The following RNF213 variants were observed in gnomAD, a reference collection of about 807,000 sequenced individuals.
RNF213 encodes the protein E3 ubiquitin-protein ligase RNF213.
In RNF213, 341 loss-of-function variants were observed where a neutral mutation model predicts 514.4. The observed-to-expected ratio is 0.66, with a 90% CI of 0.61 to 0.73. RNF213 has a LOEUF of 0.73. RNF213 is among the 30% of genes least tolerant of loss of function. The probability of loss-of-function intolerance (pLI) is 0.00; values close to 1 mark genes in which losing one functional copy is unlikely to be tolerated. For synonymous variants in RNF213, 2,655 were observed against 2,658.2 expected (o/e 1.00, Z 0.04); for missense variants, 5,767 against 6,615.6 (o/e 0.87, Z 4.45).
Position 80,284,201 on chromosome 17 carries a change from C to G in RNF213, c.262-3614C>G, listed in dbSNP as rs532750973. 1.5e-3 allele frequency among the ~76,000 whole-genome samples: 212 copies of G among 141,190 alleles called. 1 individual carries two copies. The highest frequency in any genetic ancestry group is 5.3e-3 in the African/African-American group (207 of 38,998). 92.6% of individuals were successfully genotyped at this position (141,190 alleles called of 152,430 possible). A position where few individuals can be genotyped will look rare whatever the true frequency, so the allele number is the denominator to read the frequency against. On this transcript the variant is annotated intron_variant, in intron 3 of 67. Coordinates refer to ENST00000582970, the MANE Select transcript of RNF213 (RefSeq NM_001256071.3). ...GTGAAACCCCATCTGTACAAAAATA[C>G]AAAAAAAAAAAAATTAGCCGGGCAT...
intron 3 of RNF213, among the ~76,000 whole-genome samples, chr17:80,274,411 G>T (rs2145157180): frequency 6.7e-6 from 1 of 149,792 alleles, no homozygotes; most frequent in South Asian, 2.2e-4. Flanking sequence ...CTCTAGCGCG[G>T]CCTGGGAAGA....
chr17:80,362,998 T>C (rs1355953844), intron 39 of RNF213, 104 bp from the exon 40 acceptor site: 44 of 1,114,922 alleles, frequency 3.9e-5, no homozygotes, highest in Non-Finnish European at 5.4e-5. Context: ...ACATGGTTTC[T>C]AATTTCCTCT....
At chr17:80,305,062 A>G (rs2045309525) in intron 11 of RNF213, among the ~76,000 whole-genome samples, 1 of 152,094 alleles carries the variant, frequency 6.6e-6, no homozygotes, top group Non-Finnish European at 1.5e-5. Flanking sequence ...ATTTGTAGAG[A>G]TGGAATCTTG....
chr17:80,315,726 ACTGG>A (rs2045898000), intron 15 of RNF213: 1 of 88,232 alleles, frequency 1.1e-5, no homozygotes, highest in African/African-American at 5.0e-5. Context: ...TGGTGGAGGT[ACTGG>A]AGGTGATGGT....
intron 59 of RNF213, 183 bp from the exon 60 acceptor site, chr17:80,384,856 C>T: frequency 2.9e-6 from 2 of 691,336 alleles, no homozygotes; most frequent in Non-Finnish European, 5.1e-6. Flanking sequence ...TAGCACACTG[C>T]ACTGTCTGTA....
Position 80,271,466 on chromosome 17 carries a change from A to G in RNF213, c.98-1775A>G, listed in dbSNP as rs568517313. ...GGGCGTGGGGATGAAGTGTCCAGAC[A>G]GGGGCGCAGCTGGGACTGGCTTGGG... is the stretch of plus-strand genomic sequence containing the variant. On this transcript the variant is annotated intron_variant, in intron 2 of 67. Coordinates refer to ENST00000582970, the MANE Select transcript of RNF213 (RefSeq NM_001256071.3). Among the ~76,000 whole-genome samples, 8 of 152,188 alleles carry G rather than the reference A, an allele frequency of 5.3e-5. No individual in the cohort carries two copies. In the East Asian group the frequency reaches 1.5e-3, roughly 29 times the overall value.
chr17:80,360,293 A>C lies in RNF213; in HGVS notation c.11200+87A>C, dbSNP rs572531379. On this transcript the variant is annotated intron_variant, in intron 38 of 67. Coordinates refer to ENST00000582970, the MANE Select transcript of RNF213 (RefSeq NM_001256071.3). The stretch of plus-strand genomic sequence containing the variant: ...AGTGAAAAGCAGATGGGTGGCTAGA[A>C]TTGCAAGGTGAATTTTGGAGTTTTT... 60 of 1,448,852 alleles carry C rather than the reference A, an allele frequency of 4.1e-5. 1 individual carries two copies. In the South Asian group the frequency reaches 5.2e-4, roughly 13 times the overall value. 89.7% of individuals were successfully genotyped at this position (1,448,852 alleles called of 1,614,324 possible). A position where few individuals can be genotyped will look rare whatever the true frequency, so the allele number is the denominator to read the frequency against.
At chr17:80,307,363 T>C (rs976560507) in intron 13 of RNF213, among the ~76,000 whole-genome samples, 162 bp downstream of exon 13, 3 of 46,734 alleles carry the variant, frequency 6.4e-5, no homozygotes, top group African/African-American at 1.4e-4. Context: ...TTGTCGTCTG[T>C]TTTTTTTTTT....
At chr17:80,276,081 A>G (rs767635828) in intron 3 of RNF213, among the ~76,000 whole-genome samples, 4 of 149,154 alleles carry the variant, frequency 2.7e-5, no homozygotes, top group Non-Finnish European at 1.5e-5. Context: ...TTATTTATTT[A>G]TTTATTTTTT....
chr17:80,359,111 A>T (rs891116648), intron 37 of RNF213, among the ~76,000 whole-genome samples: 1 of 152,020 alleles, frequency 6.6e-6, no homozygotes, highest in African/African-American at 2.4e-5. Flanking sequence ...TCCCTGGTGG[A>T]GCGGCACAGC....
At chr17:80,287,067 TG>T (rs1323339110) in intron 3 of RNF213, among the ~76,000 whole-genome samples, 2 of 152,222 alleles carry the variant, frequency 1.3e-5, no homozygotes, top group Non-Finnish European at 2.9e-5. Flanking sequence ...TGCTTTCTAA[TG>T]TTCAAAACCA....
chr17:80,344,991 C>T lies in RNF213; in HGVS notation c.6656C>T (p.Ala2219Val). The change falls in exon 29 of 68, where the codon GCT becomes GTT. Residue 2219 changes from alanine to valine, a missense_variant. By Grantham distance (64) the Ala-to-Val change is moderately conservative. This residue lies in a region of RNF213 where 1,377 missense variants were observed against 1,635.2 expected (regional missense o/e 0.84). Transcript: ENST00000582970. ...TCCTGGTCAGAGCTTCGGAACTTTG[C>T]TCGGTTCCTGAATTATCAGCTCAGA... is the stretch of plus-strand genomic sequence containing the variant. ...NPSWSELRNFARFLNYQLRDC... is the reference protein window; with the variant it reads ...NPSWSELRNFVRFLNYQLRDC... The T allele has an allele frequency of 6.2e-7, 1 of 1,614,190 alleles. No homozygotes were observed. The highest frequency in any genetic ancestry group is 8.5e-7 in the Non-Finnish European group (1 of 1,180,034).
intron 3 of RNF213, among the ~76,000 whole-genome samples, chr17:80,281,987 GC>G (rs2044320669): frequency 6.6e-6 from 1 of 152,092 alleles, no homozygotes; most frequent in Non-Finnish European, 1.5e-5. Context: ...CTCCCGAGCA[GC>G]TGGGACTATA....
rs1488189244 is a variant in RNF213, at chr17:80,353,003, C to T, written c.10367C>T (p.Thr3456Ile). 1 of 1,613,900 alleles carries T rather than the reference C, an allele frequency of 6.2e-7. No individual in the cohort carries two copies. Among genetic ancestry groups the T allele is most frequent in the Non-Finnish European group, 8.5e-7 (1 of 1,180,036 alleles). Residue 3456 changes from threonine (T) to isoleucine (I), a missense_variant, in exon 33 of 68, where the codon ACC becomes ATC. By Grantham distance (89) the Thr-to-Ile change is moderately conservative. This residue lies in a region of RNF213 where 919 missense variants were observed against 1,121.0 expected (regional missense o/e 0.82). Coordinates refer to ENST00000582970, the MANE Select transcript of RNF213 (RefSeq NM_001256071.3). This position sits in a 1 kb window ranked among gnomAD's most constrained non-coding sequence, Gnocchi z 5.0. Reference sequence around the variant, plus strand: ...TCCACCCTCATGGTTTCTGATGTGACCAGGCTGCAGCATGTCACCATCAGC... The same window carrying T: ...TCCACCCTCATGGTTTCTGATGTGATCAGGCTGCAGCATGTCACCATCAGC... ...RRSTLMVSDV[T>I]RLQHVTISQL...
In RNF213 at chr17:80,385,085, T is replaced by C. The variant is rs2080179206; in HGVS notation, c.14369T>C (p.Leu4790Ser). 6.2e-7 allele frequency: 1 copy of C among 1,614,198 alleles called. No individual in the cohort carries two copies. ...LVKFLPEILA[L>S]QRDLVKQFQN... ...AAGTTCCTGCCTGAGATTTTGGCCT[T>C]GCAAAGGGATCTAGTGAAGCAGTTC... Residue 4790 changes from leucine (L) to serine (S), a missense_variant, in exon 60 of 68, where the codon TTG (leucine) becomes TCG (serine). Leu to Ser is a moderately radical substitution (Grantham distance 145, BLOSUM62 -2). Around this residue, in one of 13 missense-constraint regions of RNF213, gnomAD observed 1,245 missense variants for 1,339.0 expected, o/e 0.93. Transcript: ENST00000582970.
At chr17:80,359,599 C>T (rs573538366) in intron 37 of RNF213, among the ~76,000 whole-genome samples, 2 of 114,504 alleles carry the variant, frequency 1.7e-5, no homozygotes, top group East Asian at 4.3e-4. Flanking sequence ...AAAGAAAGAG[C>T]GAGAGAAAGA....
Position 80,337,621 on chromosome 17 carries a change from T to C in RNF213, c.4563T>C (p.Thr1521=), listed in dbSNP as rs906611528. The stretch of plus-strand genomic sequence containing the variant: ...CCAGGAACTTGGAATGGCTGAAGAC[T>C]GTGAATGAGAGTCATGGGTCTGTGG... ...DSARNLEWLK[T]VNESHGSVER... Residue 1521 remains threonine (T), a synonymous_variant, in exon 24 of 68, where the codon ACT becomes ACC. Coordinates refer to ENST00000582970, the MANE Select transcript of RNF213 (RefSeq NM_001256071.3). 6.5e-7 allele frequency: 1 copy of C among 1,537,254 alleles called. No homozygotes were observed. The highest frequency in any genetic ancestry group is 8.7e-7 in the Non-Finnish European group (1 of 1,146,912).
chr17:80,334,044 C>G, intron 21 of RNF213, 61 bp from the exon 22 acceptor site: 1 of 1,532,188 alleles, frequency 6.5e-7, no homozygotes, highest in Non-Finnish European at 8.7e-7. Flanking sequence ...GTGCTTGCAG[C>G]TCACAGATTC....
Position 80,383,836 on chromosome 17 carries a change from A to G in RNF213, c.14230A>G (p.Arg4744Gly), listed in dbSNP as rs1462059912. The G allele has an allele frequency of 6.2e-7, 1 of 1,614,170 alleles. No homozygotes were observed. Among genetic ancestry groups the G allele is most frequent in the South Asian group, 1.1e-5 (1 of 91,078 alleles). Residue 4744 changes from arginine to glycine, a missense_variant, in exon 59 of 68, where the codon AGG becomes GGG. Around this residue, in one of 13 missense-constraint regions of RNF213, gnomAD observed 1,245 missense variants for 1,339.0 expected, o/e 0.93. Transcript: ENST00000582970. ...VVHCSKIWSC[R>G]KRITVEYLQH... ...CCATTGCTCTAAGATTTGGAGCTGC[A>G]GGAAAAGAATTACAGTTGAGTACCT...
Sources: allele counts gnomAD v4.1 joint callset (sites outside exome capture counted in the v4.1 genomes callset), GRCh38; gene constraint gnomAD v4.1.1; regional missense constraint gnomAD v4.1.1; non-coding constraint Gnocchi (gnomAD v3.1); transcripts MANE v1.5; gene names NCBI Gene and HGNC (gene_info 2026-07-23, HGNC 2026-07-21).